IKZF3: variants seen among roughly 807,000 people sequenced by gnomAD.
The protein encoded by IKZF3 is zinc finger protein Aiolos.
IKZF3 carries 10 observed loss-of-function variants against 49.0 expected under a neutral mutation model. The observed-to-expected ratio is 0.20, with a 90% confidence interval of 0.13 to 0.35. IKZF3 has a LOEUF of 0.35. Among genes scored for constraint, IKZF3 ranks in the 10% least tolerant of loss-of-function variants. The probability of loss-of-function intolerance (pLI) is 1.00; values close to 1 mark genes in which losing one functional copy is unlikely to be tolerated. For synonymous variants in IKZF3, 209 were observed against 228.2 expected, an observed-to-expected ratio of 0.92 and a Z score of 0.76; for missense variants, 498 against 664.8, an observed-to-expected ratio of 0.75 and a Z score of 2.76.
At chr17:39,857,421 A>G (rs2063092668) in intron 1 of IKZF3, among the ~76,000 whole-genome samples, 1 of 152,218 alleles carries the variant, frequency 6.6e-6, no homozygotes, top group Non-Finnish European at 1.5e-5. Flanking sequence ...ATGTTCAACA[A>G]TTTTAAGAAT....
At chr17:39,839,503 T>C in intron 1 of IKZF3, 1 of 566,462 alleles carries the variant, frequency 1.8e-6, no homozygotes. Flanking sequence ...CACTTAATCC[T>C]GAAAGTCTTG....
intron 7 of IKZF3, among the ~76,000 whole-genome samples, chr17:39,775,162 T>C (rs1366773320): frequency 6.6e-6 from 1 of 151,700 alleles, no homozygotes; most frequent in Non-Finnish European, 1.5e-5. Context: ...TCTTTTAGCT[T>C]CTAATCCAGT....
chr17:39,824,485 G>C (rs2061903617), intron 3 of IKZF3, among the ~76,000 whole-genome samples: 1 of 152,058 alleles, frequency 6.6e-6, no homozygotes, highest in Admixed American at 6.6e-5. Flanking sequence ...TGAAATATGA[G>C]GACATGCGAT....
At chr17:39,829,858 A>C (rs1432752656) in intron 2 of IKZF3, among the ~76,000 whole-genome samples, 1 of 152,210 alleles carries the variant, frequency 6.6e-6, no homozygotes, top group East Asian at 1.9e-4. Context: ...AGGCTGAGGC[A>C]GGAGAATCAC....
At chr17:39,852,929 C>T (rs1340513676) in intron 1 of IKZF3, among the ~76,000 whole-genome samples, 2 of 152,118 alleles carry the variant, frequency 1.3e-5, no homozygotes, top group African/African-American at 4.8e-5. Flanking sequence ...CAAGATCACA[C>T]CACTGCACTC....
At chr17:39,848,462 TA>T (rs2062698929) in intron 1 of IKZF3, among the ~76,000 whole-genome samples, 1 of 152,236 alleles carries the variant, frequency 6.6e-6, no homozygotes, top group Non-Finnish European at 1.5e-5. Context: ...ATTGCTACTT[TA>T]AAAAGATGTT....
intron 6 of IKZF3, among the ~76,000 whole-genome samples, chr17:39,783,920 C>G (rs2060808535): frequency 6.6e-6 from 1 of 151,870 alleles, no homozygotes; most frequent in South Asian, 2.1e-4. Context: ...CAGAGTGAGA[C>G]TCTGTCTCAA....
At chr17:39,812,867 G>GGCCTC (rs2061593370) in intron 3 of IKZF3, among the ~76,000 whole-genome samples, 1 of 152,322 alleles carries the variant, frequency 6.6e-6, no homozygotes, top group South Asian at 2.1e-4. Flanking sequence ...GGGAGGCCGA[G>GGCCTC]GTGGGCAAAT....
chr17:39,816,970 TC>T (rs770268279), intron 3 of IKZF3, among the ~76,000 whole-genome samples: 1 of 152,250 alleles, frequency 6.6e-6, no homozygotes, highest in Non-Finnish European at 1.5e-5. Context: ...TGCCTGGGCC[TC>T]CCAAAGTGCT....
At chr17:39,821,438 C>G (rs937398885) in intron 3 of IKZF3, among the ~76,000 whole-genome samples, 1 of 152,080 alleles carries the variant, frequency 6.6e-6, no homozygotes, top group Non-Finnish European at 1.5e-5. Context: ...GCCATATAGT[C>G]ACCTAAGGAG....
At chr17:39,776,500 A>C (rs909925243) in intron 7 of IKZF3, among the ~76,000 whole-genome samples, 1 of 152,232 alleles carries the variant, frequency 6.6e-6, no homozygotes, top group Non-Finnish European at 1.5e-5. Flanking sequence ...GGATCTCCCT[A>C]AACTGAAATA....
chr17:39,813,634 TA>T (rs796937179), intron 3 of IKZF3, among the ~76,000 whole-genome samples: 423 of 141,792 alleles, frequency 3.0e-3, no homozygotes, highest in Admixed American at 3.2e-3. Context: ...ACAGCGTGAT[TA>T]AAAAAAAAAA....
intron 3 of IKZF3, among the ~76,000 whole-genome samples, chr17:39,794,746 C>T (rs1248756712): frequency 2.0e-5 from 3 of 152,194 alleles, no homozygotes; most frequent in Non-Finnish European, 4.4e-5. Flanking sequence ...TTACTTCTTT[C>T]TCTGGATAGG....
At chr17:39,815,298 C>T (rs78436500) in intron 3 of IKZF3, among the ~76,000 whole-genome samples, 3 of 152,182 alleles carry the variant, frequency 2.0e-5, no homozygotes, top group African/African-American at 7.2e-5. Flanking sequence ...AAGGCCATGT[C>T]TTTTCCACTA....
chr17:39,760,157 C>CTTTTTTT lies in IKZF3; in HGVS notation c.*5626_*5632dup, dbSNP rs35792252. On this transcript the variant is annotated 3_prime_UTR_variant, in exon 8 of 8. Transcript: ENST00000346872. ...GTACTATTTTTTTCCTTAAAACATT[C>CTTTTTTT]TTTTTTTTTTTTTTTTTGAGATGGA... 1 of 125,266 alleles carries CTTTTTTT rather than the reference C, an allele frequency of 8.0e-6. No homozygotes were observed. Among genetic ancestry groups the CTTTTTTT allele is most frequent in the African/African-American group, 3.1e-5 (1 of 32,326 alleles). The allele number at this position is 125,266 out of a possible 1,614,324, so 7.8% of individuals were successfully genotyped here. A position where few individuals can be genotyped will look rare whatever the true frequency, so the allele number is the denominator to read the frequency against.
chr17:39,842,775 T>C (rs2062515980), intron 1 of IKZF3, among the ~76,000 whole-genome samples: 1 of 152,112 alleles, frequency 6.6e-6, no homozygotes, highest in Non-Finnish European at 1.5e-5. Flanking sequence ...AGTGCTTCTC[T>C]CCAAAAATAC....
chr17:39,770,003 T>TG (rs560201200), intron 7 of IKZF3, among the ~76,000 whole-genome samples: 2 of 152,178 alleles, frequency 1.3e-5, no homozygotes, highest in Non-Finnish European at 2.9e-5. Flanking sequence ...GTTAAGGAGA[T>TG]GGGGCAGCCT....
rs112274637 is a variant in IKZF3, at chr17:39,818,381, A to G, written c.163+11006T>C. Among the ~76,000 whole-genome samples the G allele has an allele frequency of 2.8e-3, 419 of 152,358 alleles. 6 individuals carry two copies. The highest frequency in any genetic ancestry group is 9.7e-3 in the African/African-American group (402 of 41,576). On this transcript the variant is annotated intron_variant, in intron 3 of 7. Coordinates refer to ENST00000346872, the MANE Select transcript of IKZF3 (RefSeq NM_012481.5). ...AATAGAACAATTACAACACTATACT[A>G]TAATAAAAGGTACATAATTGTTGAC...
chr17:39,843,109 T>A (rs1297222018), intron 1 of IKZF3, among the ~76,000 whole-genome samples: 1 of 152,148 alleles, frequency 6.6e-6, no homozygotes, highest in African/African-American at 2.4e-5. Flanking sequence ...GAAAGAGACA[T>A]GACAACGAAA....
Sources: gnomAD v4.1 joint callset for allele counts (sites outside exome capture counted in the v4.1 genomes callset) on GRCh38, gnomAD v4.1.1 for gene constraint, MANE v1.5 for transcripts, NCBI Gene and HGNC (gene_info 2026-07-23, HGNC 2026-07-21) for gene names.